GNA11: variants seen among roughly 807,000 people sequenced by gnomAD.
GNA11 encodes the protein guanine nucleotide-binding protein subunit alpha-11.
GNA11 carries 8 observed loss-of-function variants against 38.2 expected under a neutral mutation model. That is an observed-to-expected ratio of 0.21 (90% CI 0.12 to 0.38). The LOEUF (loss-of-function observed/expected upper bound fraction) is 0.38. Among genes scored for constraint, GNA11 ranks in the 10% least tolerant of loss-of-function variants. The pLI, the probability that GNA11 is intolerant of heterozygous loss-of-function variation, is 1.00. For missense variants in GNA11, 268 were observed against 516.3 expected (o/e 0.52, Z 4.66); for synonymous variants, 211 against 221.4 (o/e 0.95, Z 0.42).
intron 4 of GNA11, among the ~76,000 whole-genome samples, chr19:3,116,310 G>A (rs1254664200): frequency 6.6e-6 from 1 of 152,160 alleles, no homozygotes; most frequent in African/African-American, 2.4e-5. Context: ...TGCTGGTGTC[G>A]GGCGTGAGAC....
chr19:3,102,585 A>G (rs1004853567), intron 1 of GNA11, among the ~76,000 whole-genome samples: 1 of 152,156 alleles, frequency 6.6e-6, no homozygotes, highest in Non-Finnish European at 1.5e-5. Context: ...AGGCCCTGCC[A>G]TTAGGGGTCG....
Position 3,114,991 on chromosome 19 carries a change from C to G in GNA11, c.524C>G (p.Thr175Ser), listed in dbSNP as rs2145320826. 6.2e-7 allele frequency: 1 copy of G among 1,612,748 alleles called. No homozygotes were observed. Among genetic ancestry groups the G allele is most frequent in the Non-Finnish European group, 8.5e-7 (1 of 1,179,472 alleles). The change falls in exon 4 of 7, where the codon ACC becomes AGC. Residue 175 changes from threonine to serine, a missense_variant. Transcript: ENST00000078429. ...DRIATLGYLP[T>S]QQDVLRVRVP... ...ATCGCCACCTTGGGCTACCTGCCCA[C>G]CCAGCAGGACGTGCTGCGGGTCCGC...
At position 3,119,369 on chromosome 19, in the gene GNA11, G is replaced by A. The variant is rs1053492859; in HGVS notation, c.889+10G>A. On this transcript the variant is annotated intron_variant, in intron 6 of 6. Transcript: ENST00000078429. This position sits in a 1 kb window ranked among gnomAD's most constrained non-coding sequence, Gnocchi z 4.6. ...TTCCCCGAGTTCGATGGTGCGCCGG[G>A]CTGCGGCATGGGGAGGGGCTCGCGG... The A allele has an allele frequency of 6.2e-7, 1 of 1,612,634 alleles. No homozygotes were observed. Among genetic ancestry groups the A allele is most frequent in the African/African-American group, 1.3e-5 (1 of 74,954 alleles).
rs533918090 is a variant in GNA11 at position 3,123,320 on chromosome 19, C to T, written c.*2141C>T. The T allele has an allele frequency of 4.3e-6, 1 of 233,534 alleles. No individual in the cohort carries two copies. The highest frequency in any genetic ancestry group is 8.5e-6 in the Non-Finnish European group (1 of 118,268). 14.5% of individuals were successfully genotyped at this position (233,534 alleles called of 1,614,324 possible). Reference sequence around the variant, plus strand: ...GGCTGGGACCGCCAAAACGTCGTGGCCTGGATCCTCTGGGTCTGAGTGCCT... The same window carrying T: ...GGCTGGGACCGCCAAAACGTCGTGGTCTGGATCCTCTGGGTCTGAGTGCCT... On this transcript the variant is annotated 3_prime_UTR_variant, in exon 7 of 7. Coordinates refer to ENST00000078429, the MANE Select transcript of GNA11 (RefSeq NM_002067.5).
chr19:3,103,083 G>T (rs1913543807), intron 1 of GNA11, among the ~76,000 whole-genome samples: 1 of 152,222 alleles, frequency 6.6e-6, no homozygotes, highest in Non-Finnish European at 1.5e-5. Context: ...GCTCGGCTCA[G>T]GCGTCGTAGA....
chr19:3,096,829 G>A (rs1303964537), intron 1 of GNA11, among the ~76,000 whole-genome samples: 1 of 152,148 alleles, frequency 6.6e-6, no homozygotes, highest in Admixed American at 6.5e-5. Context: ...GCTCACGTGC[G>A]ACCCAAGGAG....
rs1599308419 is a variant in GNA11 at position 3,120,472 on chromosome 19, C to G, written c.890-517C>G. Among the ~76,000 whole-genome samples, 1 of 139,180 alleles carries G rather than the reference C, an allele frequency of 7.2e-6. No homozygotes were observed. The highest frequency in any genetic ancestry group is 1.6e-5 in the Non-Finnish European group (1 of 62,328). 91.3% of individuals were successfully genotyped at this position (139,180 alleles called of 152,430 possible). The stretch of plus-strand genomic sequence containing the variant: ...TACTGGGCGGGTCGCCTGCATTGTC[C>G]AGGGTGGTGGAGGGGCAGGGGTGGC... On this transcript the variant is annotated intron_variant, in intron 6 of 6. Transcript: ENST00000078429. This position sits in a 1 kb window ranked among gnomAD's most constrained non-coding sequence, Gnocchi z 5.9.
chr19:3,095,564 C>T (rs1020672961), intron 1 of GNA11, among the ~76,000 whole-genome samples: 16 of 151,988 alleles, frequency 1.1e-4, no homozygotes, highest in African/African-American at 3.9e-4. Context: ...TCCCCTATCC[C>T]CACATTCCCT....
chr19:3,114,366 G>A (rs1187134479), intron 3 of GNA11, among the ~76,000 whole-genome samples: 1 of 152,220 alleles, frequency 6.6e-6, no homozygotes, highest in Non-Finnish European at 1.5e-5. Flanking sequence ...GCAGGAAAAG[G>A]CATGAGGGGA....
Position 3,113,326 on chromosome 19 carries a change from G to C in GNA11, c.322-4G>C, listed in dbSNP as rs368216758. 5.6e-6 allele frequency: 9 copies of C among 1,608,224 alleles called. No homozygotes were observed. The highest frequency in any genetic ancestry group is 5.0e-5 in the Admixed American group (3 of 59,868). On this transcript the variant is annotated splice_region_variant and splice_polypyrimidine_tract_variant and intron_variant, in intron 2 of 6. Coordinates refer to ENST00000078429, the MANE Select transcript of GNA11 (RefSeq NM_002067.5). ...CTCGACGTCTCCCCTGCCCGCCCTC[G>C]CAGGCCAATGCGCTCCTGATCCGGG...
rs1483236378 is a variant in GNA11 at position 3,123,785 on chromosome 19, G to A, written c.*2606G>A. 3.0e-5 allele frequency: 7 copies of A among 232,148 alleles called. No individual in the cohort carries two copies. The East Asian group carries it at 4.3e-4, about 14-fold the overall frequency. The allele number at this position is 232,148 out of a possible 1,614,324, so 14.4% of individuals were successfully genotyped here. On this transcript the variant is annotated 3_prime_UTR_variant, in exon 7 of 7. Coordinates refer to ENST00000078429, the MANE Select transcript of GNA11 (RefSeq NM_002067.5). ...TTTCAACCTTAATCTATTTAAAAAA[G>A]AATATTCTATACAAGCTGTTTTTAA...
intron 1 of GNA11, among the ~76,000 whole-genome samples, chr19:3,103,887 G>A (rs1024865429): frequency 3.3e-5 from 5 of 151,916 alleles, no homozygotes; most frequent in Admixed American, 6.6e-5. Flanking sequence ...CGGTTTCACC[G>A]TGTTAGCCAG....
intron 1 of GNA11, among the ~76,000 whole-genome samples, chr19:3,096,101 T>C (rs981548419): frequency 6.6e-6 from 1 of 152,008 alleles, no homozygotes; most frequent in African/African-American, 2.4e-5. Flanking sequence ...TGGCGGTGGC[T>C]CTTGGGGAGG....
chr19:3,123,132 C>G lies in GNA11; in HGVS notation c.*1953C>G. 1 of 233,272 alleles carries G rather than the reference C, an allele frequency of 4.3e-6. No individual in the cohort carries two copies. The highest frequency in any genetic ancestry group is 8.5e-6 in the Non-Finnish European group (1 of 118,020). 14.5% of individuals were successfully genotyped at this position (233,272 alleles called of 1,614,324 possible). A position where few individuals can be genotyped will look rare whatever the true frequency, so the allele number is the denominator to read the frequency against. On this transcript the variant is annotated 3_prime_UTR_variant, in exon 7 of 7. Coordinates refer to ENST00000078429, the MANE Select transcript of GNA11 (RefSeq NM_002067.5). Reference sequence around the variant, plus strand: ...GCTACAACCTTTTCCAGCAGCGGAGCCCTCTGGGGGGCCTGTGCTTGTGGC... The same window carrying G: ...GCTACAACCTTTTCCAGCAGCGGAGGCCTCTGGGGGGCCTGTGCTTGTGGC...
intron 3 of GNA11, 93 bp downstream of exon 3, chr19:3,113,577 C>G: frequency 1.0e-6 from 1 of 966,232 alleles, no homozygotes; most frequent in Non-Finnish European, 1.5e-6. Flanking sequence ...GTCTGTGGTG[C>G]CCCCTGCCTG....
At position 3,119,116 on chromosome 19, in the gene GNA11, G is replaced by A. The variant is rs1914001267; in HGVS notation, c.735+63G>A. On this transcript the variant is annotated intron_variant, in intron 5 of 6. Transcript: ENST00000078429. This position sits in a 1 kb window ranked among gnomAD's most constrained non-coding sequence, Gnocchi z 4.6. ...GGGCCTTCCCCACCTGCCAAGCCTG[G>A]GTCCCCTCACCTGGGTCCCCCCAGC... is the stretch of plus-strand genomic sequence containing the variant. 1 of 1,605,842 alleles carries A rather than the reference G, an allele frequency of 6.2e-7. No homozygotes were observed. Among genetic ancestry groups the A allele is most frequent in the Non-Finnish European group, 8.5e-7 (1 of 1,173,880 alleles).
chr19:3,102,773 C>T (rs543794476), intron 1 of GNA11, among the ~76,000 whole-genome samples: 4 of 152,328 alleles, frequency 2.6e-5, no homozygotes, highest in African/African-American at 9.6e-5. Flanking sequence ...TGCCCCTCCT[C>T]GGGCCCCTGC....
At chr19:3,104,345 G>T (rs931004616) in intron 1 of GNA11, among the ~76,000 whole-genome samples, 2 of 152,228 alleles carry the variant, frequency 1.3e-5, no homozygotes, top group South Asian at 2.1e-4. Context: ...GCAGTGGGCG[G>T]ACTCTGGCCC....
intron 2 of GNA11, among the ~76,000 whole-genome samples, chr19:3,112,875 G>C (rs1913809872): frequency 1.3e-5 from 2 of 152,280 alleles, no homozygotes; most frequent in African/African-American, 4.8e-5. Flanking sequence ...AACGTCCTGT[G>C]ACTGGGCTTC....
Sources: gnomAD v4.1 joint callset for allele counts (sites outside exome capture counted in the v4.1 genomes callset) on GRCh38, gnomAD v4.1.1 for gene constraint, Gnocchi (gnomAD v3.1) non-coding constraint, MANE v1.5 for transcripts, NCBI Gene and HGNC (gene_info 2026-07-23, HGNC 2026-07-21) for gene names.